The following RAB37 variants were observed in gnomAD, a reference collection of about 807,000 sequenced individuals.
RAB37 encodes the protein ras-related protein Rab-37.
In RAB37, 29 loss-of-function variants were observed where a neutral mutation model predicts 33.1. That is an observed-to-expected ratio of 0.88 (90% CI 0.65 to 1.20). The LOEUF (loss-of-function observed/expected upper bound fraction) is 1.20. Among genes scored for constraint, RAB37 ranks in the 50% most tolerant of loss-of-function variants. The pLI is 0.00. For missense variants in RAB37, 299 were observed against 301.1 expected (o/e 0.99, Z 0.05); for synonymous variants, 128 against 119.5 (o/e 1.07, Z -0.47).
chr17:74,696,260 C>T, intron 1 of RAB37: 1 of 1,583,468 alleles, frequency 6.3e-7, no homozygotes, highest in Non-Finnish European at 8.6e-7. Flanking sequence ...GCCCATTCCC[C>T]AGACTCACAA....
chr17:74,702,706 C>A (rs905369498), intron 1 of RAB37, among the ~76,000 whole-genome samples: 1 of 152,152 alleles, frequency 6.6e-6, no homozygotes, highest in African/African-American at 2.4e-5. Flanking sequence ...ATCGGTCTCC[C>A]ACACTGAGCT....
At chr17:74,689,302 GC>G (rs2032115653) in intron 1 of RAB37, among the ~76,000 whole-genome samples, 1 of 152,040 alleles carries the variant, frequency 6.6e-6, no homozygotes, top group Non-Finnish European at 1.5e-5. Flanking sequence ...AATTAGCCAG[GC>G]ATGGTGGCAC....
At position 74,745,067 on chromosome 17, in the gene RAB37, C is replaced by T. The variant is rs1437447568; in HGVS notation, c.549C>T (p.Ala183=). 6.2e-7 allele frequency: 1 copy of T among 1,614,200 alleles called. No individual in the cohort carries two copies. The highest frequency in any genetic ancestry group is 1.3e-5 in the African/African-American group (1 of 75,082). Reference sequence around the variant, plus strand: ...AGACTGGCATGAATGTGGAGTTAGCCTTTCTGGCCATCGCCAAGTGAGAGC... The same window carrying T: ...AGACTGGCATGAATGTGGAGTTAGCTTTTCTGGCCATCGCCAAGTGAGAGC... The part of the protein sequence containing the change: ...SAKTGMNVEL[A]FLAIAKELKY... The change falls in exon 8 of 9, where the codon GCC becomes GCT. Residue 183 remains alanine (A), a synonymous_variant. Coordinates refer to ENST00000392613, the MANE Select transcript of RAB37 (RefSeq NM_001006638.3). The surrounding 1 kb of genome is among the most constrained non-coding windows in gnomAD (Gnocchi z 4.5).
At chr17:74,736,944 G>C (rs1319920822), upstream of RAB37, 3 of 1,519,086 alleles carry the variant, frequency 2.0e-6, no homozygotes, top group Non-Finnish European at 2.6e-6. Context: ...CGCAGCAGAC[G>C]GGGTCCCCGC....
Position 74,716,959 on chromosome 17 carries a change from C to A in RAB37, c.73-12297C>A, listed in dbSNP as rs556251236. On this transcript the variant is annotated intron_variant, in intron 1 of 7. Transcript: ENST00000340415. The stretch of plus-strand genomic sequence containing the variant: ...GACCAGCCTGACCAACATGGTGAAA[C>A]CCTGTCTCTACTAAAAATACAAAAA... Among the ~76,000 whole-genome samples, 3 of 152,258 alleles carry A rather than the reference C, an allele frequency of 2.0e-5. No homozygotes were observed. The South Asian group carries it at 6.2e-4, about 32-fold the overall frequency.
chr17:74,673,071 A>C (rs986532365), intron 1 of RAB37: 3 of 152,174 alleles, frequency 2.0e-5, no homozygotes, highest in Non-Finnish European at 4.4e-5. Flanking sequence ...AACTAGAAGA[A>C]ATTCTGTGCT....
chr17:74,675,689 T>C (rs1290100867), intron 1 of RAB37, among the ~76,000 whole-genome samples: 2 of 152,228 alleles, frequency 1.3e-5, no homozygotes, highest in African/African-American at 4.8e-5. Flanking sequence ...AAGTTGAGTA[T>C]CTTTTTTCTC....
rs1451707990 is a variant in RAB37, at chr17:74,729,241, A to G, written c.73-15A>G. The G allele has an allele frequency of 1.4e-5, 23 of 1,597,590 alleles. No individual in the cohort carries two copies. Among genetic ancestry groups the G allele is most frequent in the East Asian group, 2.2e-5 (1 of 44,790 alleles). On this transcript the variant is annotated splice_polypyrimidine_tract_variant and intron_variant, in intron 1 of 7. Coordinates refer to the RAB37 transcript ENST00000340415. The surrounding 1 kb of genome is among the most constrained non-coding windows in gnomAD (Gnocchi z 4.2). ...ATCACAGGCCCTCAGCTCTCTCTCTATTGTTCCCTTCCAGACCATCCTGGT... is the reference window on the plus strand; with the variant it reads ...ATCACAGGCCCTCAGCTCTCTCTCTGTTGTTCCCTTCCAGACCATCCTGGT...
chr17:74,737,127 G>T, upstream of RAB37: 2 of 1,595,670 alleles, frequency 1.3e-6, no homozygotes, highest in South Asian at 1.1e-5. Context: ...GGTCCGAGCC[G>T]GTGTCGTCGA....
chr17:74,678,682 G>C (rs1034733293), intron 1 of RAB37, among the ~76,000 whole-genome samples: 4 of 147,828 alleles, frequency 2.7e-5, no homozygotes, highest in Admixed American at 2.0e-4. Flanking sequence ...CAGACACACA[G>C]ACACACACAC....
chr17:74,691,471 G>A (rs2032155449), intron 1 of RAB37, among the ~76,000 whole-genome samples: 3 of 152,124 alleles, frequency 2.0e-5, no homozygotes, highest in Non-Finnish European at 4.4e-5. Flanking sequence ...TGCCCGGCCT[G>A]TAGACACCTT....
At chr17:74,703,625 T>C (rs1370388591) in intron 1 of RAB37, among the ~76,000 whole-genome samples, 3 of 152,196 alleles carry the variant, frequency 2.0e-5, no homozygotes, top group African/African-American at 7.2e-5. Context: ...ATGATGGGGA[T>C]GCCCCCTTCT....
chr17:74,716,719 A>G (rs902059788), intron 1 of RAB37, among the ~76,000 whole-genome samples: 3 of 152,030 alleles, frequency 2.0e-5, no homozygotes, highest in Non-Finnish European at 2.9e-5. Flanking sequence ...AGAAAGAGAG[A>G]GAGAGAGAGA....
intron 1 of RAB37, among the ~76,000 whole-genome samples, chr17:74,717,738 G>A: frequency 6.6e-6 from 1 of 151,524 alleles, no homozygotes; most frequent in East Asian, 1.9e-4. Flanking sequence ...GAACCTGGGA[G>A]GCAGAGGTTG....
At chr17:74,703,266 G>GAC in intron 1 of RAB37, 1 of 716,604 alleles carries the variant, frequency 1.4e-6, no homozygotes, top group South Asian at 1.8e-5. Context: ...GGAAGGGGCT[G>GAC]CAGCCTGGAC....
chr17:74,703,743 C>A (rs1041918753), intron 1 of RAB37, among the ~76,000 whole-genome samples: 1 of 152,216 alleles, frequency 6.6e-6, no homozygotes, highest in African/African-American at 2.4e-5. Context: ...GACTGTGGTG[C>A]TCCTTCCATG....
At chr17:74,731,538 C>CA (rs1399386154) in intron 2 of RAB37, among the ~76,000 whole-genome samples, 1 of 152,190 alleles carries the variant, frequency 6.6e-6, no homozygotes, top group Non-Finnish European at 1.5e-5. Flanking sequence ...CTACCAGCCC[C>CA]ATCAAACTGG....
chr17:74,681,794 A>C (rs1055555171), intron 1 of RAB37, among the ~76,000 whole-genome samples: 4 of 152,038 alleles, frequency 2.6e-5, no homozygotes, highest in African/African-American at 2.4e-5. Flanking sequence ...CACTGGTTCC[A>C]TCCACCACCT....
chr17:74,734,937 A>AAAG (rs2034444603), upstream of RAB37, among the ~76,000 whole-genome samples: 1 of 124,370 alleles, frequency 8.0e-6, no homozygotes, highest in African/African-American at 3.7e-5. Flanking sequence ...AAAGAAAGAG[A>AAAG]AAGAAAGAAA....
Sources: allele counts gnomAD v4.1 joint callset (sites outside exome capture counted in the v4.1 genomes callset), GRCh38; gene constraint gnomAD v4.1.1; non-coding constraint Gnocchi (gnomAD v3.1); transcripts MANE v1.5; gene names NCBI Gene and HGNC (gene_info 2026-07-23, HGNC 2026-07-21).